NOVA1: variants seen among roughly 807,000 people sequenced by gnomAD.
The protein encoded by NOVA1 is RNA-binding protein Nova-1.
Under a neutral mutation model 38.0 loss-of-function variants are expected in NOVA1, and 7 were observed. The ratio of observed to expected loss-of-function variants is 0.18; its 90% CI spans 0.10 to 0.35. The LOEUF is 0.35. Among genes scored for constraint, NOVA1 ranks in the 10% least tolerant of loss-of-function variants. The pLI is 1.00. For missense variants in NOVA1, 460 were observed against 616.0 expected (o/e 0.75, Z 2.68); for synonymous variants, 270 against 232.5 (o/e 1.16, Z -1.47).
At chr14:26,514,763 C>G (rs1235456975) in intron 2 of NOVA1, among the ~76,000 whole-genome samples, 1 of 151,842 alleles carries the variant, frequency 6.6e-6, no homozygotes, top group Non-Finnish European at 1.5e-5. Context: ...TTCAAATGAG[C>G]TTTTACTGAT....
chr14:26,595,844 T>C (rs1205170387), intron 1 of NOVA1: 11 of 344,124 alleles, frequency 3.2e-5, no homozygotes, highest in East Asian at 7.0e-5. Context: ...CCAGTTGTTA[T>C]TCCAAACATG....
At chr14:26,533,356 C>T (rs1889855733) in intron 2 of NOVA1, among the ~76,000 whole-genome samples, 1 of 152,168 alleles carries the variant, frequency 6.6e-6, no homozygotes, top group African/African-American at 2.4e-5. Flanking sequence ...TAACCACTCC[C>T]ACTTCCTTCA....
At chr14:26,497,002 T>C (rs1159711131) in intron 2 of NOVA1, among the ~76,000 whole-genome samples, 2 of 152,176 alleles carry the variant, frequency 1.3e-5, no homozygotes, top group Admixed American at 1.3e-4. Flanking sequence ...CAAATGAACT[T>C]TGAAGTAGTT....
chr14:26,490,647 T>C (rs966829013), intron 2 of NOVA1, among the ~76,000 whole-genome samples: 3 of 152,222 alleles, frequency 2.0e-5, no homozygotes, highest in Non-Finnish European at 1.5e-5. Context: ...TAGAGAAATA[T>C]CTGTTCACAT....
At chr14:26,480,756 A>T (rs1006373593) in intron 2 of NOVA1, among the ~76,000 whole-genome samples, 18 of 151,992 alleles carry the variant, frequency 1.2e-4, no homozygotes, top group African/African-American at 4.1e-4. Flanking sequence ...CAAAGTTTAG[A>T]ATAGCTTCTG....
intron 2 of NOVA1, among the ~76,000 whole-genome samples, chr14:26,587,309 A>T (rs112355460): frequency 0.043 from 1,158 of 26,904 alleles, 15 homozygotes; most frequent in Middle Eastern, 0.3. Flanking sequence ...TAAAATATAT[A>T]AAAAAAAAAA....
Position 26,571,290 on chromosome 14 carries a change from T to C in NOVA1, c.280+24120A>G, listed in dbSNP as rs189187182. 2.2e-3 allele frequency among the ~76,000 whole-genome samples: 332 copies of C among 152,242 alleles called. 1 individual carries two copies. The highest frequency in any genetic ancestry group is 7.2e-3 in the African/African-American group (299 of 41,540). On this transcript the variant is annotated intron_variant, in intron 2 of 4. Transcript: ENST00000539517. Reference sequence around the variant, plus strand: ...AAAAATTGAGGCCAGCCAGTCTCTTTTGGAAGTATTCCTCCCCTAAGGTGC... The same window carrying C: ...AAAAATTGAGGCCAGCCAGTCTCTTCTGGAAGTATTCCTCCCCTAAGGTGC...
At chr14:26,559,990 TTAAATTATTGTAA>T (rs1891724649) in intron 2 of NOVA1, among the ~76,000 whole-genome samples, 4 of 152,094 alleles carry the variant, frequency 2.6e-5, no homozygotes, top group Non-Finnish European at 5.9e-5. Flanking sequence ...ATTGTATGTA[TTAAATTATTGTAA>T]TAAATTATTG....
At chr14:26,506,496 TG>T (rs1594424605) in intron 2 of NOVA1, among the ~76,000 whole-genome samples, 1 of 152,232 alleles carries the variant, frequency 6.6e-6, no homozygotes, top group East Asian at 1.9e-4. Context: ...TCTTCTTTCA[TG>T]AGTGTTGTCT....
intron 2 of NOVA1, among the ~76,000 whole-genome samples, chr14:26,494,119 C>CG (rs1237015382): frequency 1.3e-5 from 2 of 152,124 alleles, no homozygotes; most frequent in Non-Finnish European, 2.9e-5. Flanking sequence ...TGAATCTCAC[C>CG]CAATTCTGTA....
At chr14:26,456,956 C>A (rs1044349249) in intron 4 of NOVA1, among the ~76,000 whole-genome samples, 3 of 146,854 alleles carry the variant, frequency 2.0e-5, no homozygotes, top group Admixed American at 6.8e-5. Flanking sequence ...CACACACACA[C>A]AAATATATAC....
intron 2 of NOVA1, among the ~76,000 whole-genome samples, chr14:26,493,315 T>G (rs188726478): frequency 5.3e-4 from 81 of 152,346 alleles, no homozygotes; most frequent in African/African-American, 1.9e-3. Context: ...AAAATCTGAC[T>G]TAGCCATTAC....
chr14:26,552,697 ATATAACTAAC>A (rs1222114029), intron 2 of NOVA1, among the ~76,000 whole-genome samples: 22 of 152,202 alleles, frequency 1.4e-4, no homozygotes, highest in Non-Finnish European at 2.9e-4. Flanking sequence ...AATGTAAGTG[ATATAACTAAC>A]TATTAAATAT....
chr14:26,519,916 G>A (rs1263291970), intron 2 of NOVA1, among the ~76,000 whole-genome samples: 2 of 151,410 alleles, frequency 1.3e-5, no homozygotes, highest in Non-Finnish European at 2.9e-5. Context: ...TGAAGAATGG[G>A]GTACATTTTC....
chr14:26,574,996 T>C (rs550518276), intron 2 of NOVA1, among the ~76,000 whole-genome samples: 3 of 152,254 alleles, frequency 2.0e-5, no homozygotes, highest in African/African-American at 7.2e-5. Context: ...AAAATCATAT[T>C]GTGGGATATC....
At chr14:26,581,706 ATC>A (rs1279424722) in intron 2 of NOVA1, among the ~76,000 whole-genome samples, 2 of 151,990 alleles carry the variant, frequency 1.3e-5, no homozygotes, top group East Asian at 1.9e-4. Context: ...CAGAAATATT[ATC>A]TCCCAGTGAT....
intron 2 of NOVA1, among the ~76,000 whole-genome samples, chr14:26,512,497 G>T (rs1203400379): frequency 6.6e-6 from 1 of 152,076 alleles, no homozygotes. Flanking sequence ...TTCAACAATT[G>T]TAATATAATA....
At chr14:26,550,037 C>T (rs930738094) in intron 2 of NOVA1, among the ~76,000 whole-genome samples, 4 of 152,084 alleles carry the variant, frequency 2.6e-5, no homozygotes, top group Non-Finnish European at 4.4e-5. Context: ...TTGCAGGAAA[C>T]GTAGAAATAT....
At chr14:26,461,590 C>T (rs1014358401) in intron 4 of NOVA1, among the ~76,000 whole-genome samples, 1 of 151,834 alleles carries the variant, frequency 6.6e-6, no homozygotes, top group African/African-American at 2.4e-5. Context: ...CTTATTTAAT[C>T]ATATCCATAA....
Sources: allele counts gnomAD v4.1 joint callset (sites outside exome capture counted in the v4.1 genomes callset), GRCh38; gene constraint gnomAD v4.1.1; transcripts MANE v1.5; gene names NCBI Gene and HGNC (gene_info 2026-07-23, HGNC 2026-07-21).